CERS1: variants seen among roughly 807,000 people sequenced by gnomAD.
The protein encoded by CERS1 is ceramide synthase 1, also known as Embryonic growth/differentiation factor 1.
Under a neutral mutation model 35.7 loss-of-function variants are expected in CERS1, and 16 were observed. The observed-to-expected ratio is 0.45, with a 90% CI of 0.30 to 0.68. The LOEUF is 0.68. CERS1 is among the 30% of genes least tolerant of loss of function. The pLI, the probability that CERS1 is intolerant of heterozygous loss-of-function variation, is 0.08. For missense variants in CERS1, 454 were observed against 453.9 expected (o/e 1.00, Z 0.00); for synonymous variants, 243 against 201.6 (o/e 1.21, Z -1.74).
chr19:18,876,884 G>T (rs1348585630), intron 6 of CERS1, among the ~76,000 whole-genome samples: 1 of 152,138 alleles, frequency 6.6e-6, no homozygotes, highest in Non-Finnish European at 1.5e-5. Flanking sequence ...CAGCTTCTTG[G>T]TGAAGGTCCC....
intron 2 of CERS1, among the ~76,000 whole-genome samples, chr19:18,891,621 A>C (rs2056493064): frequency 1.3e-5 from 2 of 152,094 alleles, no homozygotes; most frequent in Admixed American, 1.3e-4. Flanking sequence ...TCTGTTGCCC[A>C]GGCTGGAGTG....
Position 18,879,268 on chromosome 19 carries a change from G to T in CERS1, c.873C>A (p.Leu291=). 6.2e-7 allele frequency: 1 copy of T among 1,613,662 alleles called. No individual in the cohort carries two copies. Among genetic ancestry groups the T allele is most frequent in the South Asian group, 1.1e-5 (1 of 91,016 alleles). ...YFFFNALLLL[L]TLMNLYWFLY... ...GGAACCAGTAGAGGTTCATAAGGGTGAGCAGCAGCAGGAGCGCATTGAAGA... is the reference window on the plus strand; with the variant it reads ...GGAACCAGTAGAGGTTCATAAGGGTTAGCAGCAGCAGGAGCGCATTGAAGA... Residue 291 remains leucine, a synonymous_variant, in exon 5 of 8, where the codon CTC becomes CTA. Coordinates refer to ENST00000623882, the MANE Select transcript of CERS1 (RefSeq NM_021267.5).
At position 18,895,936 on chromosome 19, in the gene CERS1, C is replaced by T; in HGVS notation, c.137G>A (p.Arg46His). The T allele has an allele frequency of 8.4e-7, 1 of 1,185,322 alleles. No individual in the cohort carries two copies. The highest frequency in any genetic ancestry group is 1.0e-6 in the Non-Finnish European group (1 of 957,188). 73.4% of individuals were successfully genotyped at this position (1,185,322 alleles called of 1,614,324 possible). A position where few individuals can be genotyped will look rare whatever the true frequency, so the allele number is the denominator to read the frequency against. ...GTGCGCGTGCTCAGCCAGGCCGCGA[C>T]GCGCCAGCCCCCAGCCGCAGTCCGT... ...GCTDCGWGLA[R>H]RGLAEHAHLA... The change falls in exon 1 of 8, where the codon CGT (arginine) becomes CAT (histidine). Residue 46 changes from arginine (R) to histidine (H), a missense_variant. Coordinates refer to ENST00000623882, the MANE Select transcript of CERS1 (RefSeq NM_021267.5). The surrounding 1 kb of genome is among the most constrained non-coding windows in gnomAD (Gnocchi z 6.4).
chr19:18,868,944 C>T lies in CERS1; in HGVS notation c.*1041G>A, dbSNP rs2055906696. The T allele has an allele frequency of 8.1e-7, 1 of 1,240,962 alleles. No homozygotes were observed. The highest frequency in any genetic ancestry group is 1.0e-6 in the Non-Finnish European group (1 of 987,092). 76.9% of individuals were successfully genotyped at this position (1,240,962 alleles called of 1,614,324 possible). On this transcript the variant is annotated 3_prime_UTR_variant, in exon 8 of 8. Transcript: ENST00000623882. ...GCGCCCCCGGGGCCGCCGCCCAACA[C>T]GGGTTCGGCGTCGCGCCGCGGCCGG...
At chr19:18,876,773 T>C (rs2056067717) in intron 6 of CERS1, among the ~76,000 whole-genome samples, 1 of 152,204 alleles carries the variant, frequency 6.6e-6, no homozygotes, top group African/African-American at 2.4e-5. Flanking sequence ...CCAGCTCCCC[T>C]GACATTACAG....
Position 18,870,105 on chromosome 19 carries a change from C to A in CERS1, c.*472G>T. The A allele has an allele frequency of 6.4e-7, 1 of 1,569,436 alleles. No homozygotes were observed. The highest frequency in any genetic ancestry group is 8.6e-7 in the Non-Finnish European group (1 of 1,162,336). ...AGACCTGGTCTCCTGGGGGTCCCGG[C>A]GTCGAAACAGGCGCCACATGACCGG... On this transcript the variant is annotated 3_prime_UTR_variant, in exon 7 of 8. Transcript: ENST00000623882. The surrounding 1 kb of genome is among the most constrained non-coding windows in gnomAD (Gnocchi z 5.1).
At chr19:18,886,335 G>C (rs1377085812) in intron 2 of CERS1, among the ~76,000 whole-genome samples, 2 of 152,110 alleles carry the variant, frequency 1.3e-5, no homozygotes, top group African/African-American at 4.8e-5. Context: ...GGATCACAAG[G>C]TCAGGAGATC....
At chr19:18,888,668 TAAAAATAC>T (rs2056420338) in intron 2 of CERS1, among the ~76,000 whole-genome samples, 1 of 148,978 alleles carries the variant, frequency 6.7e-6, no homozygotes, top group East Asian at 2.0e-4. Context: ...CTGTCTCTAC[TAAAAATAC>T]AAAATTAGCC....
rs373945082 is a variant in CERS1 at position 18,880,632 on chromosome 19, G to A, written c.591-197C>T. ...TTTCCTCACTGTCCCCCACTTAGCC[G>A]TGCACCCCCAACCAGACCCTCATCT... On this transcript the variant is annotated intron_variant, in intron 3 of 7. Transcript: ENST00000623882. 5.9e-5 allele frequency among the ~76,000 whole-genome samples: 9 copies of A among 151,440 alleles called. No individual in the cohort carries two copies. The East Asian group carries it at 7.8e-4, about 13-fold the overall frequency.
chr19:18,877,362 C>G (rs1248415079), intron 6 of CERS1, among the ~76,000 whole-genome samples: 1 of 152,304 alleles, frequency 6.6e-6, no homozygotes, highest in East Asian at 1.9e-4. Flanking sequence ...AGCAAGAGGA[C>G]CTTCCTGGTG....
At chr19:18,883,788 G>A (rs527570221) in intron 3 of CERS1, among the ~76,000 whole-genome samples, 2 of 152,256 alleles carry the variant, frequency 1.3e-5, no homozygotes, top group East Asian at 3.9e-4. Flanking sequence ...GCTGGTCAAG[G>A]GCAGCGTCTG....
In CERS1 at chr19:18,868,883, T is replaced by C; in HGVS notation, c.*1102A>G. On this transcript the variant is annotated 3_prime_UTR_variant, in exon 8 of 8. Transcript: ENST00000623882. ...GATGACCCAGCGGTGCCAGCCCACC[T>C]CGCGGAAGCTCACGTACAGCCGCCG... 1.4e-6 allele frequency: 2 copies of C among 1,430,892 alleles called. No homozygotes were observed. Among genetic ancestry groups the C allele is most frequent in the South Asian group, 2.5e-5 (2 of 80,498 alleles). The allele number at this position is 1,430,892 out of a possible 1,614,324, so 88.6% of individuals were successfully genotyped here.
Position 18,870,394 on chromosome 19 carries a change from G to A in CERS1, c.*183C>T. 1 of 1,441,036 alleles carries A rather than the reference G, an allele frequency of 6.9e-7. No homozygotes were observed. The highest frequency in any genetic ancestry group is 9.4e-7 in the Non-Finnish European group (1 of 1,060,774). 89.3% of individuals were successfully genotyped at this position (1,441,036 alleles called of 1,614,324 possible). ...TGAGGGCGGGGCCGGTGTCCCCGGA[G>A]GGGCAGGGGTCCTGGGGGGCGTGGC... is the stretch of plus-strand genomic sequence containing the variant. On this transcript the variant is annotated 3_prime_UTR_variant, in exon 7 of 8. Transcript: ENST00000623882. The surrounding 1 kb of genome is among the most constrained non-coding windows in gnomAD (Gnocchi z 5.1).
At chr19:18,873,310 G>A (rs973070840) in intron 6 of CERS1, among the ~76,000 whole-genome samples, 1 of 152,068 alleles carries the variant, frequency 6.6e-6, no homozygotes, top group Non-Finnish European at 1.5e-5. Flanking sequence ...TGTAGGAGTC[G>A]GTGTGGATTA....
chr19:18,893,893 C>G (rs1277693624), intron 1 of CERS1, among the ~76,000 whole-genome samples: 1 of 144,526 alleles, frequency 6.9e-6, no homozygotes, highest in Non-Finnish European at 1.5e-5. Context: ...TGCGTCAGCC[C>G]AAGGGAGTTG....
rs544563624 is a variant in CERS1, at chr19:18,870,547, G to A, written c.*30C>T. The A allele has an allele frequency of 3.5e-5, 4 of 114,390 alleles. No homozygotes were observed. Among genetic ancestry groups the A allele is most frequent in the African/African-American group, 2.0e-4 (4 of 20,366 alleles). The allele number at this position is 114,390 out of a possible 1,614,324, so 7.1% of individuals were successfully genotyped here. ...GCGTGGCCGGGGTATTCGGGGTGGG[G>A]CCGGGTCCACGGGGGCGGGGCCGAG... On this transcript the variant is annotated 3_prime_UTR_variant, in exon 7 of 8. Transcript: ENST00000623882. The surrounding 1 kb of genome is among the most constrained non-coding windows in gnomAD (Gnocchi z 5.1).
chr19:18,886,527 C>G (rs1032134463), intron 2 of CERS1, among the ~76,000 whole-genome samples: 1 of 152,064 alleles, frequency 6.6e-6, no homozygotes, highest in Non-Finnish European at 1.5e-5. Context: ...TGCACTCCAG[C>G]CTGGGAGACA....
At position 18,880,387 on chromosome 19, in the gene CERS1, G is replaced by A. The variant is rs1383514401; in HGVS notation, c.639C>T (p.Asp213=). The change falls in exon 4 of 8, where the codon GAC becomes GAT. Residue 213 remains aspartate, a synonymous_variant. Coordinates refer to ENST00000623882, the MANE Select transcript of CERS1 (RefSeq NM_021267.5). ...ILVLFLHDIS[D]VQLEFTKLNI... is the part of the protein sequence containing the mutation. ...TGAGCTTGGTGAACTCAAGCTGCACGTCACTGATATCGTGCAGGAAGAGCA... is the reference window on the plus strand; with the variant it reads ...TGAGCTTGGTGAACTCAAGCTGCACATCACTGATATCGTGCAGGAAGAGCA... The A allele has an allele frequency of 1.9e-6, 3 of 1,583,784 alleles. No homozygotes were observed. The highest frequency in any genetic ancestry group is 2.7e-5 in the African/African-American group (2 of 74,426).
rs1393322295 is a variant in CERS1, at chr19:18,868,839, C to T, written c.*1146G>A. 12 of 1,452,602 alleles carry T rather than the reference C, an allele frequency of 8.3e-6. No homozygotes were observed. In the Admixed American group the frequency reaches 2.6e-4, roughly 31 times the overall value. The allele number at this position is 1,452,602 out of a possible 1,614,324, so 90.0% of individuals were successfully genotyped here. On this transcript the variant is annotated 3_prime_UTR_variant, in exon 8 of 8. Coordinates refer to ENST00000623882, the MANE Select transcript of CERS1 (RefSeq NM_021267.5). ...GCGCACTGACCCTGGCAGTAGTTGGCCAGGAAGCCGCGCGGCGCGATGACC... is the reference window on the plus strand; with the variant it reads ...GCGCACTGACCCTGGCAGTAGTTGGTCAGGAAGCCGCGCGGCGCGATGACC...
Sources: allele counts gnomAD v4.1 joint callset (sites outside exome capture counted in the v4.1 genomes callset), GRCh38; gene constraint gnomAD v4.1.1; non-coding constraint Gnocchi (gnomAD v3.1); transcripts MANE v1.5; gene names NCBI Gene and HGNC (gene_info 2026-07-23, HGNC 2026-07-21).